Variants in ZFAND4 observed in about 807,000 individuals in gnomAD.
The protein encoded by ZFAND4 is AN1-type zinc finger protein 4.
Under a neutral mutation model 64.4 loss-of-function variants are expected in ZFAND4, and 43 were observed. The ratio of observed to expected loss-of-function variants is 0.67; its 90% CI spans 0.52 to 0.86. ZFAND4 has a LOEUF of 0.86. Ranked by LOEUF, ZFAND4 falls within the 40% of genes least tolerant of loss-of-function variation. The probability of loss-of-function intolerance (pLI) is 0.00; values close to 1 mark genes in which losing one functional copy is unlikely to be tolerated. For synonymous variants in ZFAND4, 296 were observed against 305.7 expected, an observed-to-expected ratio of 0.97 and a Z score of 0.33; for missense variants, 929 against 859.8, an observed-to-expected ratio of 1.08 and a Z score of -1.01.
chr10:45,661,738 C>T (rs190536706), intron 2 of ZFAND4, among the ~76,000 whole-genome samples: 4 of 152,068 alleles, frequency 2.6e-5, no homozygotes, highest in East Asian at 1.9e-4. Context: ...GTCAGGAGTT[C>T]GAGACCAGCC....
rs377061491 is a variant in ZFAND4, at chr10:45,626,808, G to A, written c.1015C>T (p.Pro339Ser). The A allele has an allele frequency of 6.6e-5, 107 of 1,614,120 alleles. No homozygotes were observed. Among genetic ancestry groups the A allele is most frequent in the Non-Finnish European group, 6.7e-5 (79 of 1,180,056 alleles). Residue 339 changes from proline to serine, a missense_variant, in exon 7 of 10, where the codon CCT becomes TCT. Transcript: ENST00000344646. ...SHFSSNVKLP[P>S]QIPHLELGND... is the part of the protein sequence containing the mutation. Reference sequence around the variant, plus strand: ...CCCAACTCCAAATGGGGTATCTGAGGAGGTAGTTTGACGTTGCTACTGAAG... The same window carrying A: ...CCCAACTCCAAATGGGGTATCTGAGAAGGTAGTTTGACGTTGCTACTGAAG...
intron 5 of ZFAND4, among the ~76,000 whole-genome samples, chr10:45,642,272 A>G (rs570029608): frequency 8.5e-5 from 13 of 152,186 alleles, no homozygotes; most frequent in African/African-American, 3.1e-4. Flanking sequence ...TGGAATAGAT[A>G]CATATATACA....
intron 1 of ZFAND4, among the ~76,000 whole-genome samples, chr10:45,670,125 G>GA (rs2049081454): frequency 6.6e-6 from 1 of 151,874 alleles, no homozygotes; most frequent in African/African-American, 2.4e-5. Flanking sequence ...TATACATTTA[G>GA]AAAACCCCAT....
chr10:45,652,066 T>C, intron 3 of ZFAND4, 33 bp from the exon 4 acceptor site: 1 of 1,604,782 alleles, frequency 6.2e-7, no homozygotes, highest in Non-Finnish European at 8.5e-7. Context: ...TAAATCATAA[T>C]CATCAAAATG....
chr10:45,656,091 C>T (rs2048078284), intron 2 of ZFAND4, among the ~76,000 whole-genome samples: 2 of 152,008 alleles, frequency 1.3e-5, no homozygotes, highest in African/African-American at 2.4e-5. Flanking sequence ...ATTAGCTGGG[C>T]GTGGTGGCAC....
At chr10:45,652,951 C>A in intron 3 of ZFAND4, 33 bp downstream of exon 3, 1 of 1,525,788 alleles carries the variant, frequency 6.6e-7, no homozygotes. Flanking sequence ...ATACTAAGTG[C>A]CTACAAAACA....
intron 4 of ZFAND4, among the ~76,000 whole-genome samples, chr10:45,649,571 G>C (rs2047623040): frequency 6.6e-6 from 1 of 152,174 alleles, no homozygotes; most frequent in Non-Finnish European, 1.5e-5. Context: ...AAACATCAAA[G>C]ATGCTTCCAT....
chr10:45,661,526 A>G (rs1345559675), intron 2 of ZFAND4, among the ~76,000 whole-genome samples: 2 of 152,180 alleles, frequency 1.3e-5, no homozygotes, highest in Non-Finnish European at 2.9e-5. Context: ...GACGAACCCA[A>G]GCAGCCTCAT....
At chr10:45,653,609 C>A (rs2047904083) in intron 2 of ZFAND4, among the ~76,000 whole-genome samples, 2 of 152,048 alleles carry the variant, frequency 1.3e-5, no homozygotes, top group South Asian at 4.2e-4. Flanking sequence ...TAAATCAAAA[C>A]CACAATGAGA....
At chr10:45,640,733 G>A (rs1356506428) in intron 5 of ZFAND4, among the ~76,000 whole-genome samples, 3 of 152,068 alleles carry the variant, frequency 2.0e-5, no homozygotes, top group South Asian at 2.1e-4. Context: ...CTCGTGATCC[G>A]CCTACCTCGG....
At position 45,662,380 on chromosome 10, in the gene ZFAND4, A is replaced by G. The variant is rs999465855; in HGVS notation, c.184+1162T>C. The stretch of plus-strand genomic sequence containing the variant: ...ACCCAAGTTGACTCTTCTGACATAA[A>G]AAGATTGAAACAGGATTCTCTCTAA... On this transcript the variant is annotated intron_variant, in intron 2 of 9. Coordinates refer to ENST00000344646, the MANE Select transcript of ZFAND4 (RefSeq NM_174890.4). Among the ~76,000 whole-genome samples, 8 of 152,212 alleles carry G rather than the reference A, an allele frequency of 5.3e-5. No homozygotes were observed. The East Asian group carries it at 1.5e-3, about 29-fold the overall frequency.
At position 45,626,889 on chromosome 10, in the gene ZFAND4, T is replaced by G; in HGVS notation, c.934A>C (p.Ile312Leu). The change falls in exon 7 of 10, where the codon ATC (isoleucine) becomes CTC (leucine). Residue 312 changes from isoleucine to leucine, a missense_variant. Ile to Leu is a conservative substitution (Grantham distance 5, BLOSUM62 2). Transcript: ENST00000344646. ...TCTTCCTTAAGAAATTCACCAGTGA[T>G]AGAAGATATGTATCTCTCAGCAGAG... ...QLSAERYISS[I>L]TGEFLKEDNS... is the part of the protein sequence containing the mutation. The G allele has an allele frequency of 6.2e-7, 1 of 1,614,220 alleles. No individual in the cohort carries two copies. The highest frequency in any genetic ancestry group is 8.5e-7 in the Non-Finnish European group (1 of 1,180,036).
chr10:45,629,070 G>T (rs1344074531), intron 6 of ZFAND4, among the ~76,000 whole-genome samples: 1 of 151,762 alleles, frequency 6.6e-6, no homozygotes, highest in Non-Finnish European at 1.5e-5. Context: ...AAAAGGAAGT[G>T]ACTTTATTTT....
At chr10:45,661,887 C>G (rs2048495589) in intron 2 of ZFAND4, among the ~76,000 whole-genome samples, 1 of 149,892 alleles carries the variant, frequency 6.7e-6, no homozygotes, top group South Asian at 2.1e-4. Context: ...TTGTGGTGAG[C>G]AGAGATTGCG....
intron 8 of ZFAND4, among the ~76,000 whole-genome samples, chr10:45,623,063 A>C (rs2045548883): frequency 6.6e-6 from 1 of 152,210 alleles, no homozygotes; most frequent in East Asian, 1.9e-4. Flanking sequence ...TCAAAACCAC[A>C]GTGACATCAC....
chr10:45,647,377 G>A (rs184348652), intron 5 of ZFAND4, among the ~76,000 whole-genome samples: 7 of 150,996 alleles, frequency 4.6e-5, no homozygotes, highest in Admixed American at 3.3e-4. Context: ...CAGCAATGCT[G>A]TGCCTGGACT....
intron 8 of ZFAND4, 24 bp from the exon 9 acceptor site, chr10:45,618,284 A>C (rs977254052): frequency 1.2e-6 from 2 of 1,608,100 alleles, no homozygotes; most frequent in African/African-American, 2.7e-5. Context: ...GGACACCTTG[A>C]TTAACACAGG....
In ZFAND4 at chr10:45,645,202, G is replaced by A. The variant is rs115791182; in HGVS notation, c.569+3092C>T. Among the ~76,000 whole-genome samples, 1,416 of 152,104 alleles carry A rather than the reference G, an allele frequency of 9.3e-3. 14 individuals carry two copies. The highest frequency in any genetic ancestry group is 0.033 in the African/African-American group (1,363 of 41,490). On this transcript the variant is annotated intron_variant, in intron 5 of 9. Coordinates refer to ENST00000344646, the MANE Select transcript of ZFAND4 (RefSeq NM_174890.4). Reference sequence around the variant, plus strand: ...TGCCCGGACTTGTCTCAAACTCCCGGACTCAAGAGATTCGCCCACCTTCCA... The same window carrying A: ...TGCCCGGACTTGTCTCAAACTCCCGAACTCAAGAGATTCGCCCACCTTCCA...
At chr10:45,653,148 AAG>A in intron 2 of ZFAND4, 89 bp from the exon 3 acceptor site, 1 of 976,324 alleles carries the variant, frequency 1.0e-6, no homozygotes, top group Non-Finnish European at 1.5e-6. Flanking sequence ...TTAAGGAACT[AAG>A]AGCACTAAAA....
Sources: gnomAD v4.1 joint callset for allele counts (sites outside exome capture counted in the v4.1 genomes callset) on GRCh38, gnomAD v4.1.1 for gene constraint, MANE v1.5 for transcripts, NCBI Gene and HGNC (gene_info 2026-07-23, HGNC 2026-07-21) for gene names.